GNAO1: variants seen among roughly 807,000 people sequenced by gnomAD.
The protein encoded by GNAO1 is guanine nucleotide-binding protein G(o) subunit alpha.
For synonymous variants in GNAO1, 164 were observed against 180.7 expected (o/e 0.91, Z 0.74); for missense variants, 166 against 478.7 (o/e 0.35, Z 6.10).
intron 2 of GNAO1, among the ~76,000 whole-genome samples, chr16:56,237,742 A>G (rs963239612): frequency 2.0e-5 from 3 of 152,208 alleles, no homozygotes; most frequent in Non-Finnish European, 2.9e-5. Context: ...TGAAATTGCA[A>G]AGAAATAACA....
chr16:56,322,080 T>TCAC (rs2143633158), intron 3 of GNAO1, among the ~76,000 whole-genome samples: 1 of 152,284 alleles, frequency 6.6e-6, no homozygotes, highest in East Asian at 1.9e-4. Context: ...GGAAGGGGTG[T>TCAC]GGGTCTTTGG....
At chr16:56,303,654 T>C (rs2037365426) in intron 3 of GNAO1, among the ~76,000 whole-genome samples, 1 of 152,190 alleles carries the variant, frequency 6.6e-6, no homozygotes, top group African/African-American at 2.4e-5. Flanking sequence ...CAAAGCATGA[T>C]GGCTGACAGC....
chr16:56,192,515 C>A, intron 1 of GNAO1, 59 bp from the exon 2 acceptor site: 2 of 1,026,642 alleles, frequency 1.9e-6, no homozygotes, highest in Non-Finnish European at 3.1e-6. Context: ...GTCCCCCCCT[C>A]CCCCTGTTCC....
rs1203341743 is a variant in GNAO1, at chr16:56,348,015, GTC to G, written c.724-3362_724-3361del. ...GTCCCAGGCCCTCCTTAGAAAAGCC[GTC>G]TCTCTCGAGTGCAGTGGTCCCACCT... On this transcript the variant is annotated intron_variant, in intron 6 of 8. Transcript: ENST00000262493. The G allele has an allele frequency of 3.6e-5, 35 of 980,640 alleles. No homozygotes were observed. The East Asian group carries it at 3.4e-3, about 96-fold the overall frequency. The allele number at this position is 980,640 out of a possible 1,614,324, so 60.7% of individuals were successfully genotyped here. A position where few individuals can be genotyped will look rare whatever the true frequency, so the allele number is the denominator to read the frequency against.
chr16:56,347,321 A>C, intron 6 of GNAO1: 2 of 985,520 alleles, frequency 2.0e-6, no homozygotes, highest in Non-Finnish European at 2.4e-6. Context: ...TGCCGAAGGC[A>C]GTCACCCCCA....
chr16:56,325,461 A>G (rs1005220992), intron 3 of GNAO1, among the ~76,000 whole-genome samples: 1 of 152,202 alleles, frequency 6.6e-6, no homozygotes, highest in Non-Finnish European at 1.5e-5. Context: ...GGGCAACAAG[A>G]GCAAAACTCC....
At chr16:56,303,055 C>T (rs906753742) in intron 3 of GNAO1, among the ~76,000 whole-genome samples, 1 of 152,202 alleles carries the variant, frequency 6.6e-6, no homozygotes, top group Non-Finnish European at 1.5e-5. Flanking sequence ...CTGGTTCTCT[C>T]CCCGGCCTGA....
intron 6 of GNAO1, chr16:56,344,714 T>C: frequency 1.0e-6 from 1 of 985,482 alleles, no homozygotes; most frequent in South Asian, 4.7e-5. Context: ...GGCTGGGGCC[T>C]CCCGCCCAGT....
intron 6 of GNAO1, chr16:56,346,142 C>A: frequency 2.0e-6 from 2 of 985,550 alleles, no homozygotes; most frequent in Non-Finnish European, 2.4e-6. Context: ...TCCTCCCACC[C>A]TAGCCTGGGG....
At chr16:56,225,186 A>C (rs560880772) in intron 2 of GNAO1, among the ~76,000 whole-genome samples, 1 of 152,348 alleles carries the variant, frequency 6.6e-6, no homozygotes, top group African/African-American at 2.4e-5. Flanking sequence ...TCTCATTGGA[A>C]TCAGGGCTTC....
At chr16:56,292,871 A>C (rs1596846629) in intron 3 of GNAO1, among the ~76,000 whole-genome samples, 1 of 152,280 alleles carries the variant, frequency 6.6e-6, no homozygotes, top group East Asian at 1.9e-4. Flanking sequence ...AAAATGCCCA[A>C]CTCCACCTGC....
intron 6 of GNAO1, among the ~76,000 whole-genome samples, chr16:56,350,163 AC>A (rs2037907832): frequency 6.6e-6 from 1 of 152,002 alleles, no homozygotes; most frequent in African/African-American, 2.4e-5. Flanking sequence ...CGGTGTGCTC[AC>A]CCCTGGGGGA....
rs187921852 is a variant in GNAO1, at chr16:56,308,877, C to G, written c.304-19754C>G. On this transcript the variant is annotated intron_variant, in intron 3 of 8. Coordinates refer to ENST00000262493, the MANE Select transcript of GNAO1 (RefSeq NM_020988.3). ...GACAGTGGCTTCACGGGGAGGCCAG[C>G]TCAGAGGACGGGTTAGGATGGAGGG... 2.8e-3 allele frequency among the ~76,000 whole-genome samples: 422 copies of G among 152,190 alleles called. 1 individual carries two copies. Among genetic ancestry groups the G allele is most frequent in the Non-Finnish European group, 4.3e-3 (293 of 68,006 alleles).
intron 2 of GNAO1, among the ~76,000 whole-genome samples, chr16:56,198,032 G>T (rs1252400466): frequency 6.6e-6 from 1 of 151,996 alleles, no homozygotes; most frequent in African/African-American, 2.4e-5. Context: ...CTGGTGAAGG[G>T]GTGATTCCAA....
intron 2 of GNAO1, among the ~76,000 whole-genome samples, chr16:56,225,579 A>G (rs1330696373): frequency 6.6e-6 from 1 of 152,180 alleles, no homozygotes; most frequent in Non-Finnish European, 1.5e-5. Flanking sequence ...TTGAGATCTG[A>G]TGGGGCTGGA....
chr16:56,265,783 G>GT (rs1228874711), intron 2 of GNAO1, among the ~76,000 whole-genome samples: 28 of 151,538 alleles, frequency 1.8e-4, no homozygotes, highest in African/African-American at 2.7e-4. Context: ...GGACGAATGT[G>GT]TTTTTTTTTA....
intron 2 of GNAO1, among the ~76,000 whole-genome samples, chr16:56,207,921 A>G (rs764688911): frequency 1.3e-5 from 2 of 152,250 alleles, no homozygotes; most frequent in Non-Finnish European, 2.9e-5. Context: ...AAAAAGTAGG[A>G]CATTGCTAGT....
intron 6 of GNAO1, chr16:56,344,674 G>A: frequency 1.0e-6 from 1 of 985,642 alleles, no homozygotes; most frequent in Non-Finnish European, 1.2e-6. Flanking sequence ...GAGGTGCGGG[G>A]AAGGGAGGTG....
At chr16:56,230,123 TA>T (rs150588038) in intron 2 of GNAO1, among the ~76,000 whole-genome samples, 26,146 of 148,126 alleles carry the variant, frequency 0.18, 2,615 homozygotes, top group African/African-American at 0.28. Context: ...TCCATAACTT[TA>T]AAAAAAAAAA....
Sources: gnomAD v4.1 joint callset for allele counts (sites outside exome capture counted in the v4.1 genomes callset) on GRCh38, gnomAD v4.1.1 for gene constraint, MANE v1.5 for transcripts, NCBI Gene and HGNC (gene_info 2026-07-23, HGNC 2026-07-21) for gene names.